The following TMEM132C variants were observed in gnomAD, a reference collection of about 807,000 sequenced individuals.
The protein encoded by TMEM132C is protein phosphatase 1, regulatory subunit 152.
Under a neutral mutation model 61.4 loss-of-function variants are expected in TMEM132C, and 29 were observed. The observed-to-expected ratio is 0.47, with a 90% CI of 0.35 to 0.64. The LOEUF is 0.64. Among genes scored for constraint, TMEM132C ranks in the 30% least tolerant of loss-of-function variants. TMEM132C has a pLI of 0.00. For missense variants in TMEM132C, 1,408 were observed against 1,476.9 expected (o/e 0.95, Z 0.76); for synonymous variants, 656 against 633.1 (o/e 1.04, Z -0.54).
intron 2 of TMEM132C, among the ~76,000 whole-genome samples, chr12:128,416,637 T>C (rs928074204): frequency 6.6e-6 from 1 of 152,208 alleles, no homozygotes; most frequent in African/African-American, 2.4e-5. Context: ...TTTTGTAATA[T>C]AGCTATAAGG....
intron 4 of TMEM132C, among the ~76,000 whole-genome samples, chr12:128,622,360 A>AAAAAAAAAAATATATAT (rs1277080166): frequency 6.6e-5 from 2 of 30,112 alleles, no homozygotes; most frequent in African/African-American, 1.7e-4. Context: ...AAAAAAAAAA[A>AAAAAAAAAAATATATAT]ATATATATAT....
chr12:128,634,137 G>A (rs965794206), intron 4 of TMEM132C, among the ~76,000 whole-genome samples: 1 of 152,196 alleles, frequency 6.6e-6, no homozygotes, highest in Non-Finnish European at 1.5e-5. Context: ...GCAGTGGCGT[G>A]ATCACAGCTC....
At chr12:128,695,339 G>A (rs142265432) in intron 6 of TMEM132C, among the ~76,000 whole-genome samples, 1 of 151,628 alleles carries the variant, frequency 6.6e-6, no homozygotes, top group Non-Finnish European at 1.5e-5. Context: ...GGGCAACATA[G>A]CAAGACCCCA....
intron 2 of TMEM132C, among the ~76,000 whole-genome samples, chr12:128,462,136 C>A (rs542790458): frequency 6.6e-5 from 10 of 152,196 alleles, no homozygotes; most frequent in African/African-American, 2.4e-4. Flanking sequence ...GACAGAGTCT[C>A]GCTCTGTCAC....
intron 1 of TMEM132C, among the ~76,000 whole-genome samples, chr12:128,313,186 GC>G (rs1207211841): frequency 1.3e-5 from 2 of 152,246 alleles, no homozygotes; most frequent in Non-Finnish European, 2.9e-5. Context: ...CCATTATGAA[GC>G]CAAATCTCCA....
chr12:128,525,618 C>T (rs1873061254), intron 2 of TMEM132C, among the ~76,000 whole-genome samples: 1 of 152,148 alleles, frequency 6.6e-6, no homozygotes, highest in Non-Finnish European at 1.5e-5. Context: ...GGTGTATGAT[C>T]TATTGCAATG....
At chr12:128,387,257 T>C (rs1381516579) in intron 1 of TMEM132C, among the ~76,000 whole-genome samples, 2 of 152,202 alleles carry the variant, frequency 1.3e-5, no homozygotes, top group East Asian at 3.9e-4. Flanking sequence ...AGTAAGCATG[T>C]GTGCATGCTG....
intron 3 of TMEM132C, among the ~76,000 whole-genome samples, chr12:128,575,146 G>T (rs1030037159): frequency 1.9e-4 from 29 of 152,180 alleles, no homozygotes; most frequent in African/African-American, 7.0e-4. Context: ...ATTGTTACAG[G>T]ATAATTTTTT....
intron 2 of TMEM132C, among the ~76,000 whole-genome samples, chr12:128,461,519 G>A (rs1001508818): frequency 6.6e-6 from 1 of 152,046 alleles, no homozygotes; most frequent in African/African-American, 2.4e-5. Context: ...CCTTAAAAGG[G>A]GAAGCAAAGT....
Position 128,362,807 on chromosome 12 carries a change from GAGTCT to G in TMEM132C, c.86-51924_86-51920del, listed in dbSNP as rs1186962544. Among the ~76,000 whole-genome samples, 6 of 152,332 alleles carry G rather than the reference GAGTCT, an allele frequency of 3.9e-5. No homozygotes were observed. The East Asian group carries it at 1.2e-3, about 29-fold the overall frequency. On this transcript the variant is annotated intron_variant, in intron 1 of 8. Transcript: ENST00000435159. ...AAAACAGTGCAGTGTTTTATGAAGT[GAGTCT>G]GCAAATCTTGCAAAAGACATAGGAT...
chr12:128,395,417 G>A (rs773627357), intron 1 of TMEM132C, among the ~76,000 whole-genome samples: 1 of 152,120 alleles, frequency 6.6e-6, no homozygotes, highest in Admixed American at 6.5e-5. Context: ...TTTGTTGGAG[G>A]TGGCAATGTG....
intron 1 of TMEM132C, among the ~76,000 whole-genome samples, chr12:128,367,920 A>C (rs1873916416): frequency 6.6e-6 from 1 of 152,132 alleles, no homozygotes; most frequent in African/African-American, 2.4e-5. Context: ...TGAGGCTTGC[A>C]TTCTATTTCT....
At chr12:128,298,528 A>G (rs971024470) in intron 1 of TMEM132C, among the ~76,000 whole-genome samples, 2 of 152,140 alleles carry the variant, frequency 1.3e-5, no homozygotes, top group African/African-American at 4.8e-5. Context: ...TAACTACGGT[A>G]CGTACGACTC....
At chr12:128,418,193 C>T (rs1444056406) in intron 2 of TMEM132C, among the ~76,000 whole-genome samples, 3 of 152,164 alleles carry the variant, frequency 2.0e-5, no homozygotes, top group South Asian at 2.1e-4. Flanking sequence ...GAGCAGCAGA[C>T]GTTCCCCAAA....
At chr12:128,605,902 T>C (rs1470848252) in intron 3 of TMEM132C, among the ~76,000 whole-genome samples, 1 of 152,238 alleles carries the variant, frequency 6.6e-6, no homozygotes, top group Non-Finnish European at 1.5e-5. Context: ...TGCACCCTAG[T>C]TCCTTCTTCT....
intron 1 of TMEM132C, among the ~76,000 whole-genome samples, chr12:128,301,398 T>G (rs1043382028): frequency 2.6e-5 from 4 of 152,206 alleles, no homozygotes; most frequent in Non-Finnish European, 5.9e-5. Context: ...CATTGTTCTT[T>G]TACTTGTATC....
At chr12:128,453,447 C>G (rs1381816093) in intron 2 of TMEM132C, among the ~76,000 whole-genome samples, 1 of 152,190 alleles carries the variant, frequency 6.6e-6, no homozygotes, top group Non-Finnish European at 1.5e-5. Context: ...CTGTGTCTCA[C>G]CAGCTTTGTA....
At chr12:128,394,967 T>C (rs1244524139) in intron 1 of TMEM132C, among the ~76,000 whole-genome samples, 1 of 151,602 alleles carries the variant, frequency 6.6e-6, no homozygotes, top group Non-Finnish European at 1.5e-5. Context: ...AGATCTCATC[T>C]CCCTTCTACT....
chr12:128,465,551 C>T (rs1433235368), intron 2 of TMEM132C, among the ~76,000 whole-genome samples: 1 of 152,234 alleles, frequency 6.6e-6, no homozygotes, highest in Non-Finnish European at 1.5e-5. Context: ...ACTCGACATG[C>T]CTAGCACTGT....
Sources: gnomAD v4.1 joint callset for allele counts (sites outside exome capture counted in the v4.1 genomes callset) on GRCh38, gnomAD v4.1.1 for gene constraint, MANE v1.5 for transcripts, NCBI Gene and HGNC (gene_info 2026-07-23, HGNC 2026-07-21) for gene names.